The following UNC5B variants were observed in gnomAD, a reference collection of about 807,000 sequenced individuals.
The protein encoded by UNC5B is unc-5 netrin receptor B.
In UNC5B, 56 loss-of-function variants were observed where a neutral mutation model predicts 103.7. That is an observed-to-expected ratio of 0.54 (90% CI 0.44 to 0.67). The LOEUF (loss-of-function observed/expected upper bound fraction) is 0.67. UNC5B is among the 30% of genes least tolerant of loss of function. The probability of loss-of-function intolerance (pLI) is 0.00; values close to 1 mark genes in which losing one functional copy is unlikely to be tolerated. For missense variants in UNC5B, 1,194 were observed against 1,284.5 expected, an observed-to-expected ratio of 0.93 and a Z score of 1.08; for synonymous variants, 577 against 542.0, an observed-to-expected ratio of 1.06 and a Z score of -0.90.
intron 1 of UNC5B, among the ~76,000 whole-genome samples, chr10:71,276,086 C>T (rs964782086): frequency 1.3e-5 from 2 of 152,000 alleles, no homozygotes; most frequent in African/African-American, 4.8e-5. Flanking sequence ...TCAATTTATC[C>T]TAAGATTTTA....
chr10:71,222,179 T>C (rs1316503197), intron 1 of UNC5B, among the ~76,000 whole-genome samples: 1 of 152,140 alleles, frequency 6.6e-6, no homozygotes, highest in Non-Finnish European at 1.5e-5. Flanking sequence ...ATGGAGAGTG[T>C]GGCCCTGGTA....
chr10:71,296,064 C>T, intron 14 of UNC5B, 104 bp downstream of exon 14: 3 of 1,488,494 alleles, frequency 2.0e-6, no homozygotes, highest in South Asian at 1.2e-5. Context: ...TGTGGCCTTA[C>T]CCCTCCCTGG....
At chr10:71,262,663 T>G (rs952876986) in intron 1 of UNC5B, among the ~76,000 whole-genome samples, 1 of 152,200 alleles carries the variant, frequency 6.6e-6, no homozygotes, top group Non-Finnish European at 1.5e-5. Context: ...AAAGCCATCT[T>G]GCTGCTGGAA....
At position 71,240,992 on chromosome 10, in the gene UNC5B, G is replaced by A. The variant is rs146940280; in HGVS notation, c.79+27928G>A. On this transcript the variant is annotated intron_variant, in intron 1 of 16. Coordinates refer to ENST00000335350, the MANE Select transcript of UNC5B (RefSeq NM_170744.5). The stretch of plus-strand genomic sequence containing the variant: ...ATTCTATAATTTTGTTGTTGTTGTT[G>A]TTTTTGGACTTGATGTGTCTGAGAG... Among the ~76,000 whole-genome samples, 282 of 152,346 alleles carry A rather than the reference G, an allele frequency of 1.9e-3. 2 individuals are homozygous for A. Among genetic ancestry groups the A allele is most frequent in the African/African-American group, 6.5e-3 (271 of 41,584 alleles).
intron 1 of UNC5B, among the ~76,000 whole-genome samples, chr10:71,243,631 C>T (rs774337589): frequency 3.3e-5 from 5 of 152,176 alleles, no homozygotes; most frequent in Non-Finnish European, 5.9e-5. Context: ...CCCTGTTCCC[C>T]GGGGGGCTTG....
chr10:71,289,031 T>C, intron 8 of UNC5B, 41 bp downstream of exon 8: 1 of 1,614,014 alleles, frequency 6.2e-7, no homozygotes, highest in Non-Finnish European at 8.5e-7. Context: ...CTCTGGGGGA[T>C]CCCTGGTTCT....
intron 1 of UNC5B, among the ~76,000 whole-genome samples, chr10:71,241,889 T>C (rs945540413): frequency 2.0e-5 from 3 of 152,124 alleles, no homozygotes; most frequent in African/African-American, 7.2e-5. Flanking sequence ...CTGTTAGTTA[T>C]CTTGTGTATC....
intron 1 of UNC5B, among the ~76,000 whole-genome samples, chr10:71,218,874 C>T (rs1460174485): frequency 6.6e-6 from 1 of 152,160 alleles, no homozygotes; most frequent in Non-Finnish European, 1.5e-5. Flanking sequence ...GTGGAGAACC[C>T]CATCTCAGGC....
intron 1 of UNC5B, among the ~76,000 whole-genome samples, chr10:71,223,954 G>T (rs1673263676): frequency 6.6e-6 from 1 of 152,190 alleles, no homozygotes; most frequent in African/African-American, 2.4e-5. Flanking sequence ...AGCAGTTCTG[G>T]CCATGGGGTC....
chr10:71,276,673 G>A (rs1844778983), intron 1 of UNC5B, among the ~76,000 whole-genome samples: 2 of 152,196 alleles, frequency 1.3e-5, no homozygotes, highest in African/African-American at 4.8e-5. Flanking sequence ...AGCTCAGGCA[G>A]TCCACCCACC....
chr10:71,286,715 C>T lies in UNC5B; in HGVS notation c.579C>T (p.Val193=). Residue 193 remains valine, a synonymous_variant, in exon 5 of 17, where the codon GTC becomes GTT. Transcript: ENST00000335350. ...TGGAATGGCTCAAGAATGAGGATGT[C>T]ATCGACCCCACCCAGGACACCAACT... The part of the protein sequence containing the change: ...AEVEWLKNED[V]IDPTQDTNFL... 6.2e-7 allele frequency: 1 copy of T among 1,614,176 alleles called. No homozygotes were observed. The highest frequency in any genetic ancestry group is 2.2e-5 in the East Asian group (1 of 44,868).
At chr10:71,295,565 G>A (rs1468794313) in intron 13 of UNC5B, among the ~76,000 whole-genome samples, 2 of 152,068 alleles carry the variant, frequency 1.3e-5, no homozygotes, top group Non-Finnish European at 2.9e-5. Flanking sequence ...CCATCCATCT[G>A]TCCATTTATT....
At chr10:71,222,786 G>A (rs1050023534) in intron 1 of UNC5B, among the ~76,000 whole-genome samples, 15 of 152,228 alleles carry the variant, frequency 9.9e-5, no homozygotes, top group African/African-American at 3.6e-4. Context: ...ACCCCCAGAG[G>A]CCCCAAGCGG....
intron 1 of UNC5B, among the ~76,000 whole-genome samples, chr10:71,258,710 A>G (rs1262094604): frequency 6.6e-6 from 1 of 152,238 alleles, no homozygotes; most frequent in Non-Finnish European, 1.5e-5. Context: ...AAAGGACAGG[A>G]GGAGCCAAGG....
intron 14 of UNC5B, 127 bp from the exon 15 acceptor site, chr10:71,296,451 C>G (rs1359501057): frequency 2.7e-6 from 3 of 1,096,486 alleles, no homozygotes; most frequent in Non-Finnish European, 3.8e-6. Flanking sequence ...GGCACTTGAC[C>G]CCTCCCTATC....
chr10:71,246,055 A>C (rs1844026026), intron 1 of UNC5B, among the ~76,000 whole-genome samples: 1 of 151,906 alleles, frequency 6.6e-6, no homozygotes, highest in African/African-American at 2.4e-5. Context: ...CCCCGAGAGA[A>C]CTGAAGCTCA....
At chr10:71,253,343 C>A (rs1844219097) in intron 1 of UNC5B, among the ~76,000 whole-genome samples, 1 of 152,222 alleles carries the variant, frequency 6.6e-6, no homozygotes, top group African/African-American at 2.4e-5. Context: ...GTAGACAGTA[C>A]CCGAGTTTGG....
chr10:71,298,206 T>C (rs1350737837), intron 16 of UNC5B, 116 bp downstream of exon 16: 2 of 1,258,958 alleles, frequency 1.6e-6, no homozygotes, highest in Admixed American at 5.1e-5. Flanking sequence ...GCTGCCCTTT[T>C]GCCACCATTT....
In UNC5B at chr10:71,298,029, G is replaced by A; in HGVS notation, c.2611G>A (p.Asp871Asn). The change falls in exon 16 of 17, where the codon GAT (aspartate) becomes AAT (asparagine). Residue 871 changes from aspartate (D) to asparagine (N), a missense_variant. Coordinates refer to ENST00000335350, the MANE Select transcript of UNC5B (RefSeq NM_170744.5). ...SIRQKICNSLDAPNSRGNDWR... is the reference protein window; with the variant it reads ...SIRQKICNSLNAPNSRGNDWR... The stretch of plus-strand genomic sequence containing the variant: ...CCGCCAGAAGATATGCAACAGCCTA[G>A]ATGCCCCCAACTCACGGGGCAATGA... 1 of 1,613,830 alleles carries A rather than the reference G, an allele frequency of 6.2e-7. No individual in the cohort carries two copies. The highest frequency in any genetic ancestry group is 8.5e-7 in the Non-Finnish European group (1 of 1,179,974).
Sources: allele counts gnomAD v4.1 joint callset (sites outside exome capture counted in the v4.1 genomes callset), GRCh38; gene constraint gnomAD v4.1.1; transcripts MANE v1.5; gene names NCBI Gene and HGNC (gene_info 2026-07-23, HGNC 2026-07-21).